NEGR1: variants seen among roughly 807,000 people sequenced by gnomAD.
NEGR1 encodes the protein neuronal growth regulator 1.
NEGR1 carries 10 observed loss-of-function variants against 40.9 expected under a neutral mutation model. That is an observed-to-expected ratio of 0.24 (90% CI 0.15 to 0.42). The LOEUF (loss-of-function observed/expected upper bound fraction) is 0.42, where lower values mean the gene tolerates loss of function less well. Among genes scored for constraint, NEGR1 ranks in the 10% least tolerant of loss-of-function variants. NEGR1 has a pLI of 1.00. For synonymous variants in NEGR1, 185 were observed against 166.8 expected (o/e 1.11, Z -0.84); for missense variants, 352 against 438.9 (o/e 0.80, Z 1.77).
At chr1:71,625,984 T>C (rs1650760881) in intron 4 of NEGR1, among the ~76,000 whole-genome samples, 1 of 151,692 alleles carries the variant, frequency 6.6e-6, no homozygotes, top group Admixed American at 6.6e-5. Flanking sequence ...CTAATAGGAG[T>C]GTGAACCCTA....
intron 2 of NEGR1, among the ~76,000 whole-genome samples, chr1:71,900,143 G>T (rs1661105026): frequency 6.6e-6 from 1 of 152,130 alleles, no homozygotes; most frequent in Admixed American, 6.6e-5. Flanking sequence ...AGTTTATTTG[G>T]TCTGTTTTAT....
At chr1:71,575,675 C>A (rs1023270663) in intron 6 of NEGR1, among the ~76,000 whole-genome samples, 1 of 151,978 alleles carries the variant, frequency 6.6e-6, no homozygotes, top group South Asian at 2.1e-4. Context: ...CTCAGCTACT[C>A]GGGAGGCCGA....
intron 4 of NEGR1, among the ~76,000 whole-genome samples, chr1:71,625,820 C>T (rs1220609641): frequency 6.6e-6 from 1 of 151,872 alleles, no homozygotes; most frequent in Non-Finnish European, 1.5e-5. Flanking sequence ...ATTGCTTTCA[C>T]ATTTTTGATG....
At chr1:71,806,850 A>C (rs575806360) in intron 2 of NEGR1, among the ~76,000 whole-genome samples, 1 of 150,968 alleles carries the variant, frequency 6.6e-6, no homozygotes, top group Non-Finnish European at 1.5e-5. Flanking sequence ...ATCCTAGCAT[A>C]CCACACAAAC....
chr1:71,556,927 C>A (rs559498431), intron 6 of NEGR1, among the ~76,000 whole-genome samples: 3 of 151,562 alleles, frequency 2.0e-5, no homozygotes, highest in African/African-American at 7.3e-5. Flanking sequence ...AACACCTCAA[C>A]AGATGTAAAA....
intron 2 of NEGR1, among the ~76,000 whole-genome samples, chr1:71,828,916 G>A (rs1168214732): frequency 6.6e-6 from 1 of 151,998 alleles, no homozygotes; most frequent in Non-Finnish European, 1.5e-5. Flanking sequence ...AGGGCAGAGA[G>A]TCAAGGGCCT....
chr1:71,806,666 T>A (rs1657781223), intron 2 of NEGR1, among the ~76,000 whole-genome samples: 1 of 152,120 alleles, frequency 6.6e-6, no homozygotes, highest in Non-Finnish European at 1.5e-5. Flanking sequence ...TATACATTAT[T>A]CCATCAAATA....
At chr1:71,901,697 G>C (rs547384553) in intron 2 of NEGR1, among the ~76,000 whole-genome samples, 1 of 133,444 alleles carries the variant, frequency 7.5e-6, no homozygotes, top group South Asian at 2.3e-4. Flanking sequence ...TTGAGACGGA[G>C]TCTCACTCTG....
chr1:72,017,173 T>G (rs1037611628), intron 1 of NEGR1, among the ~76,000 whole-genome samples: 1 of 150,726 alleles, frequency 6.6e-6, no homozygotes, highest in African/African-American at 2.5e-5. Context: ...AAAGGGAGCT[T>G]AAAGGAATAT....
At position 71,405,911 on chromosome 1, in the gene NEGR1, A is replaced by G. The variant is rs564363955; in HGVS notation, c.*1535T>C. 1 of 152,372 alleles carries G rather than the reference A, an allele frequency of 6.6e-6. No homozygotes were observed. Among genetic ancestry groups the G allele is most frequent in the Admixed American group, 6.6e-5 (1 of 15,212 alleles). 9.4% of individuals were successfully genotyped at this position (152,372 alleles called of 1,614,324 possible). A position where few individuals can be genotyped will look rare whatever the true frequency, so the allele number is the denominator to read the frequency against. ...TTCAAGGTGATGGCCTTTCTTTAGT[A>G]AAGAGTGAAACCATCAAACTATTCC... is the stretch of plus-strand genomic sequence containing the variant. On this transcript the variant is annotated 3_prime_UTR_variant, in exon 7 of 7. Coordinates refer to ENST00000357731, the MANE Select transcript of NEGR1 (RefSeq NM_173808.3).
intron 1 of NEGR1, among the ~76,000 whole-genome samples, chr1:72,270,731 C>T (rs1463290718): frequency 6.6e-6 from 1 of 151,798 alleles, no homozygotes; most frequent in African/African-American, 2.4e-5. Context: ...TTTCATGTGA[C>T]CACCCAATTA....
intron 6 of NEGR1, among the ~76,000 whole-genome samples, chr1:71,462,312 G>T (rs1448609605): frequency 1.3e-5 from 2 of 152,114 alleles, no homozygotes; most frequent in Non-Finnish European, 2.9e-5. Context: ...AGATTTTAAA[G>T]CTGGTATTTG....
At chr1:71,868,718 T>C (rs372346312) in intron 2 of NEGR1, among the ~76,000 whole-genome samples, 2 of 152,092 alleles carry the variant, frequency 1.3e-5, no homozygotes, top group Non-Finnish European at 2.9e-5. Context: ...ATCCTATTTC[T>C]GAAACACACT....
At chr1:71,750,498 G>C (rs1023787149) in intron 3 of NEGR1, among the ~76,000 whole-genome samples, 1 of 152,220 alleles carries the variant, frequency 6.6e-6, no homozygotes, top group African/African-American at 2.4e-5. Flanking sequence ...CCACATGGCT[G>C]GGGAGGCCTC....
chr1:72,205,756 C>CAAAAAAAAAAAAA (rs35490878), intron 1 of NEGR1, among the ~76,000 whole-genome samples: 2 of 30,886 alleles, frequency 6.5e-5, no homozygotes, highest in Non-Finnish European at 1.3e-4. Context: ...CCCATTTCTA[C>CAAAAAAAAAAAAA]AAAAAAAAAA....
chr1:72,251,998 G>A (rs1435983154), intron 1 of NEGR1, among the ~76,000 whole-genome samples: 1 of 152,044 alleles, frequency 6.6e-6, no homozygotes, highest in Non-Finnish European at 1.5e-5. Flanking sequence ...ACAAGTAATT[G>A]ACTATATAAG....
intron 1 of NEGR1, among the ~76,000 whole-genome samples, chr1:72,140,872 T>G (rs1650650428): frequency 6.6e-6 from 1 of 151,944 alleles, no homozygotes; most frequent in South Asian, 2.1e-4. Context: ...CAGGATTACT[T>G]TCCAAAAGGA....
intron 1 of NEGR1, among the ~76,000 whole-genome samples, chr1:72,158,875 A>T (rs1651455919): frequency 6.6e-6 from 1 of 152,214 alleles, no homozygotes; most frequent in South Asian, 2.1e-4. Context: ...GATATTGCTC[A>T]TCTTTTAAAT....
At chr1:72,127,181 C>G (rs974231042) in intron 1 of NEGR1, among the ~76,000 whole-genome samples, 1 of 152,054 alleles carries the variant, frequency 6.6e-6, no homozygotes, top group African/African-American at 2.4e-5. Context: ...CGGCCAGGCG[C>G]GGTGGCTCAC....
Sources: allele counts gnomAD v4.1 joint callset (sites outside exome capture counted in the v4.1 genomes callset), GRCh38; gene constraint gnomAD v4.1.1; transcripts MANE v1.5; gene names NCBI Gene and HGNC (gene_info 2026-07-23, HGNC 2026-07-21).